The following IL17B variants were observed in gnomAD, a reference collection of about 807,000 sequenced individuals.
IL17B encodes the protein interleukin-17B.
In IL17B, 14 loss-of-function variants were observed where a neutral mutation model predicts 14.7. That is an observed-to-expected ratio of 0.95 (90% confidence interval 0.63 to 1.49). The LOEUF is 1.49. Among genes scored for constraint, IL17B ranks in the 40% most tolerant of loss-of-function variants. IL17B has a pLI of 0.00. For synonymous variants in IL17B, 105 were observed against 94.8 expected (o/e 1.11, Z -0.62); for missense variants, 233 against 252.8 (o/e 0.92, Z 0.53).
intron 1 of IL17B, among the ~76,000 whole-genome samples, chr5:149,377,933 G>A (rs1758589020): frequency 6.6e-6 from 1 of 152,092 alleles, no homozygotes; most frequent in South Asian, 2.1e-4. Context: ...CACAAAGTCA[G>A]GAGATCGAGA....
upstream of IL17B, among the ~76,000 whole-genome samples, chr5:149,382,013 G>T (rs1232437931): frequency 1.3e-5 from 2 of 152,142 alleles, no homozygotes; most frequent in Non-Finnish European, 2.9e-5. Context: ...CTCGCTCAGA[G>T]CCCTCTGCAG....
chr5:149,401,441 A>T (rs906967872), intron 1 of IL17B, among the ~76,000 whole-genome samples: 3 of 152,246 alleles, frequency 2.0e-5, no homozygotes, highest in Admixed American at 2.0e-4. Flanking sequence ...ATGGTGGCTT[A>T]TGCCTGTAAT....
At chr5:149,401,978 G>C (rs1057084426) in intron 1 of IL17B, among the ~76,000 whole-genome samples, 13 of 152,294 alleles carry the variant, frequency 8.5e-5, no homozygotes, top group African/African-American at 3.1e-4. Flanking sequence ...TGTTCAGGGT[G>C]CAATTAGTGT....
intron 1 of IL17B, among the ~76,000 whole-genome samples, chr5:149,400,938 C>T (rs890008750): frequency 1.3e-5 from 2 of 152,162 alleles, no homozygotes. Context: ...GTCAGGCTCT[C>T]GATGGACTAG....
At chr5:149,392,985 T>TGTGTGTGCGCGC (rs1759013564) in intron 1 of IL17B, among the ~76,000 whole-genome samples, 2 of 148,422 alleles carry the variant, frequency 1.3e-5, no homozygotes. Context: ...TGCGTGTGTG[T>TGTGTGTGCGCGC]GTGCGTGTGT....
chr5:149,376,449 A>G (rs1422562020), intron 2 of IL17B, among the ~76,000 whole-genome samples: 2 of 152,234 alleles, frequency 1.3e-5, no homozygotes, highest in Non-Finnish European at 2.9e-5. Flanking sequence ...AAAGCCTTGC[A>G]GGCACTTCCA....
intron 1 of IL17B, among the ~76,000 whole-genome samples, chr5:149,396,811 T>C (rs1305689130): frequency 6.6e-6 from 1 of 152,216 alleles, no homozygotes; most frequent in Admixed American, 6.5e-5. Flanking sequence ...TAATGTGTTT[T>C]GTAACACTGG....
intron 1 of IL17B, among the ~76,000 whole-genome samples, chr5:149,391,487 G>T (rs1348208331): frequency 6.6e-6 from 1 of 152,184 alleles, no homozygotes; most frequent in Non-Finnish European, 1.5e-5. Context: ...ATCAGAGAAT[G>T]CAGGGAATTC....
chr5:149,386,133 T>C (rs547471731), intron 1 of IL17B, among the ~76,000 whole-genome samples: 1 of 152,170 alleles, frequency 6.6e-6, no homozygotes. Context: ...TTTATTGTGG[T>C]TGTTTTGGTG....
chr5:149,392,591 A>C (rs1758992647), intron 1 of IL17B, among the ~76,000 whole-genome samples: 1 of 152,236 alleles, frequency 6.6e-6, no homozygotes, highest in South Asian at 2.1e-4. Context: ...CTATATAAAA[A>C]TTTAGAGTGA....
chr5:149,380,295 G>T (rs1758656927), upstream of IL17B, among the ~76,000 whole-genome samples: 1 of 152,116 alleles, frequency 6.6e-6, no homozygotes, highest in South Asian at 2.1e-4. Flanking sequence ...TAAATAGCTG[G>T]CAACAGTACC....
intron 1 of IL17B, among the ~76,000 whole-genome samples, chr5:149,390,503 GC>G (rs1758921511): frequency 6.9e-6 from 1 of 145,220 alleles, no homozygotes; most frequent in African/African-American, 2.6e-5. Context: ...CTCAGCCTGG[GC>G]CCCCACCACT....
chr5:149,374,874 A>C lies in IL17B; in HGVS notation c.312-274T>G, dbSNP rs1203823851. 1 of 408,770 alleles carries C rather than the reference A, an allele frequency of 2.4e-6. No individual in the cohort carries two copies. The highest frequency in any genetic ancestry group is 4.5e-6 in the Non-Finnish European group (1 of 223,530). 25.3% of individuals were successfully genotyped at this position (408,770 alleles called of 1,614,324 possible). A position where few individuals can be genotyped will look rare whatever the true frequency, so the allele number is the denominator to read the frequency against. On this transcript the variant is annotated intron_variant, in intron 2 of 2. Transcript: ENST00000261796. The surrounding 1 kb of genome is among the most constrained non-coding windows in gnomAD (Gnocchi z 5.0). The stretch of plus-strand genomic sequence containing the variant: ...GCAGCCAGATGCCCATCCCAGTACT[A>C]GGTTGCGCTGTGGGGATTGTGGAGT...
chr5:149,400,005 C>A (rs143128619), intron 1 of IL17B, among the ~76,000 whole-genome samples: 1 of 152,122 alleles, frequency 6.6e-6, no homozygotes, highest in Admixed American at 6.5e-5. Flanking sequence ...TGGCAAGCAC[C>A]CCTATATGGG....
intron 1 of IL17B, among the ~76,000 whole-genome samples, chr5:149,394,501 C>T (rs887408784): frequency 3.3e-5 from 5 of 152,322 alleles, no homozygotes; most frequent in South Asian, 4.1e-4. Context: ...ACAAAGTCCA[C>T]GTTGTGATAA....
chr5:149,391,461 GT>G (rs1207428300), intron 1 of IL17B, among the ~76,000 whole-genome samples: 2 of 152,218 alleles, frequency 1.3e-5, no homozygotes, highest in Non-Finnish European at 2.9e-5. Context: ...AATGGCTTCA[GT>G]TCCCAACCCA....
intron 1 of IL17B, among the ~76,000 whole-genome samples, chr5:149,396,902 G>A (rs1326207879): frequency 6.6e-6 from 1 of 152,200 alleles, no homozygotes; most frequent in Non-Finnish European, 1.5e-5. Context: ...ATTCTCTGAC[G>A]AAGGGCGTTT....
intron 1 of IL17B, among the ~76,000 whole-genome samples, chr5:149,391,257 C>G (rs1305769029): frequency 1.3e-5 from 2 of 152,094 alleles, no homozygotes; most frequent in Admixed American, 1.3e-4. Context: ...TGAGCCACTG[C>G]GCCCAGCGTT....
chr5:149,378,669 CA>C (rs1015513724), intron 1 of IL17B, among the ~76,000 whole-genome samples: 3 of 152,234 alleles, frequency 2.0e-5, no homozygotes, highest in African/African-American at 7.2e-5. Context: ...TTTGCTGGCA[CA>C]AAATCTGCAA....
Sources: gnomAD v4.1 joint callset for allele counts (sites outside exome capture counted in the v4.1 genomes callset) on GRCh38, gnomAD v4.1.1 for gene constraint, Gnocchi (gnomAD v3.1) non-coding constraint, MANE v1.5 for transcripts, NCBI Gene and HGNC (gene_info 2026-07-23, HGNC 2026-07-21) for gene names.